Variants in ST3GAL2 observed in about 807,000 individuals in gnomAD.
The protein encoded by ST3GAL2 is ST3 beta-galactoside alpha-2,3-sialyltransferase 2, also known as CMP-N-acetylneuraminate-beta-galactosamide-alpha-2,3-sialyltransferase 2.
ST3GAL2 carries 16 observed loss-of-function variants against 37.5 expected under a neutral mutation model. The observed-to-expected ratio is 0.43, with a 90% CI of 0.29 to 0.65. The LOEUF is 0.65. ST3GAL2 is among the 30% of genes least tolerant of loss of function. The pLI, the probability that ST3GAL2 is intolerant of heterozygous loss-of-function variation, is 0.17. For synonymous variants in ST3GAL2, 238 were observed against 202.9 expected, an observed-to-expected ratio of 1.17 and a Z score of -1.47; for missense variants, 383 against 487.8, an observed-to-expected ratio of 0.79 and a Z score of 2.02.
chr16:70,430,897 A>T lies in ST3GAL2; in HGVS notation c.-1004+8052T>A, dbSNP rs1171296475. 2.6e-5 allele frequency among the ~76,000 whole-genome samples: 4 copies of T among 152,216 alleles called. No homozygotes were observed. The East Asian group carries it at 7.7e-4, about 29-fold the overall frequency. On this transcript the variant is annotated intron_variant, in intron 1 of 6. Coordinates refer to ENST00000342907, the MANE Select transcript of ST3GAL2 (RefSeq NM_006927.4). ...GCCTAGGGACTCCACACAGGCCCAC[A>T]GAAACTTTCACTTCCCCCTGAAACT...
intron 1 of ST3GAL2, among the ~76,000 whole-genome samples, chr16:70,437,503 C>T (rs1409670930): frequency 6.9e-6 from 1 of 143,938 alleles, no homozygotes; most frequent in Non-Finnish European, 1.5e-5. Flanking sequence ...CTCTGCCCCC[C>T]CCGCAAAAAA....
chr16:70,434,324 C>A (rs1184092353), intron 1 of ST3GAL2, among the ~76,000 whole-genome samples: 1 of 152,030 alleles, frequency 6.6e-6, no homozygotes, highest in East Asian at 1.9e-4. Context: ...GTAATCCCAG[C>A]TACTCGGGAG....
chr16:70,401,377 G>C (rs2047553865), intron 1 of ST3GAL2, among the ~76,000 whole-genome samples: 1 of 148,670 alleles, frequency 6.7e-6, no homozygotes, highest in East Asian at 1.9e-4. Flanking sequence ...GACATGTCTG[G>C]AAAGAGCAGA....
chr16:70,426,894 C>T (rs1232916953), intron 1 of ST3GAL2, among the ~76,000 whole-genome samples: 1 of 152,166 alleles, frequency 6.6e-6, no homozygotes, highest in Admixed American at 6.5e-5. Flanking sequence ...GTCGCTCAGG[C>T]TGGAGTGCAG....
chr16:70,438,338 G>A (rs1175598700), intron 1 of ST3GAL2, among the ~76,000 whole-genome samples: 5 of 152,174 alleles, frequency 3.3e-5, no homozygotes, highest in Admixed American at 3.3e-4. Flanking sequence ...AGAGAGGAGA[G>A]ACGAGGTTCA....
intron 3 of ST3GAL2, 65 bp from the exon 4 acceptor site, chr16:70,388,611 G>A (rs2047459490): frequency 1.3e-6 from 2 of 1,511,546 alleles, no homozygotes; most frequent in South Asian, 2.6e-5. Flanking sequence ...ATTCTTAGAG[G>A]ACAGTTCGAA....
intron 6 of ST3GAL2, 23 bp from the exon 7 acceptor site, chr16:70,381,885 G>T (rs1286382299): frequency 1.9e-6 from 3 of 1,611,510 alleles, no homozygotes; most frequent in Non-Finnish European, 2.5e-6. Flanking sequence ...GCAGCGGAGC[G>T]TCACCCCAGG....
chr16:70,382,889 G>A lies in ST3GAL2; in HGVS notation c.795C>T (p.Ile265=), dbSNP rs760956487. Residue 265 remains isoleucine, a synonymous_variant, in exon 6 of 7, where the codon ATC becomes ATT. Coordinates refer to ENST00000342907, the MANE Select transcript of ST3GAL2 (RefSeq NM_006927.4). ...QIYNPAFFKY[I]HDRWTEHHGR... is the part of the protein sequence containing the mutation. ...CGTGATGCTCTGTCCACCTGTCGTG[G>A]ATATACTTGAAGAAGGCTGGGTTGT... 1.9e-6 allele frequency: 3 copies of A among 1,613,920 alleles called. No individual in the cohort carries two copies. The highest frequency in any genetic ancestry group is 2.5e-6 in the Non-Finnish European group (3 of 1,179,956).
chr16:70,420,976 G>A (rs959260882), intron 1 of ST3GAL2, among the ~76,000 whole-genome samples: 3 of 152,188 alleles, frequency 2.0e-5, no homozygotes, highest in African/African-American at 7.2e-5. Flanking sequence ...GTTCCAGCTA[G>A]GAAGAGAGGT....
intron 1 of ST3GAL2, among the ~76,000 whole-genome samples, chr16:70,420,241 GC>G (rs781565045): frequency 9.2e-5 from 14 of 152,054 alleles, no homozygotes; most frequent in Non-Finnish European, 1.6e-4. Context: ...GTTGGAGAAA[GC>G]CTTTTGTATG....
At chr16:70,426,098 A>G (rs1309602736) in intron 1 of ST3GAL2, among the ~76,000 whole-genome samples, 1 of 151,290 alleles carries the variant, frequency 6.6e-6, no homozygotes, top group Non-Finnish European at 1.5e-5. Context: ...AAAAAAGAAC[A>G]TGACCGTCAA....
chr16:70,437,025 G>T (rs1043907244), intron 1 of ST3GAL2, among the ~76,000 whole-genome samples: 2 of 152,082 alleles, frequency 1.3e-5, no homozygotes, highest in Non-Finnish European at 2.9e-5. Flanking sequence ...GTGCCTTCTC[G>T]AGAAGAGTGG....
intron 1 of ST3GAL2, among the ~76,000 whole-genome samples, chr16:70,414,767 G>A (rs958469166): frequency 2.0e-5 from 3 of 152,148 alleles, no homozygotes; most frequent in Non-Finnish European, 4.4e-5. Context: ...CCGCCTCCTG[G>A]GTTCAAGTGA....
At chr16:70,411,334 G>A (rs1597569236) in intron 1 of ST3GAL2, among the ~76,000 whole-genome samples, 1 of 151,648 alleles carries the variant, frequency 6.6e-6, no homozygotes, top group African/African-American at 2.4e-5. Flanking sequence ...GAAGTGGGCG[G>A]AGCGGAGATC....
chr16:70,402,673 CG>C (rs2047564245), intron 1 of ST3GAL2, among the ~76,000 whole-genome samples: 1 of 151,984 alleles, frequency 6.6e-6, no homozygotes, highest in African/African-American at 2.4e-5. Context: ...TCTTTTGAGA[CG>C]GAGTCTTGCT....
chr16:70,389,304 T>C (rs1450874748), intron 3 of ST3GAL2, among the ~76,000 whole-genome samples: 2 of 151,122 alleles, frequency 1.3e-5, no homozygotes, highest in African/African-American at 2.4e-5. Flanking sequence ...TTATTTACTT[T>C]TAATTATTAT....
At chr16:70,414,352 G>C (rs1436328525) in intron 1 of ST3GAL2, among the ~76,000 whole-genome samples, 1 of 152,246 alleles carries the variant, frequency 6.6e-6, no homozygotes, top group Non-Finnish European at 1.5e-5. Context: ...CAGAGGGATA[G>C]GGCAGGGCGT....
At chr16:70,412,621 C>G (rs952521667) in intron 1 of ST3GAL2, among the ~76,000 whole-genome samples, 1 of 152,122 alleles carries the variant, frequency 6.6e-6, no homozygotes, top group African/African-American at 2.4e-5. Flanking sequence ...CCCAACCTGG[C>G]CTCAAAAAGC....
intron 4 of ST3GAL2, among the ~76,000 whole-genome samples, chr16:70,387,743 G>C (rs777944923): frequency 1.3e-5 from 2 of 151,980 alleles, no homozygotes; most frequent in Admixed American, 6.6e-5. Flanking sequence ...GGCTATGATG[G>C]GACAACTACC....
Sources: allele counts gnomAD v4.1 joint callset (sites outside exome capture counted in the v4.1 genomes callset), GRCh38; gene constraint gnomAD v4.1.1; transcripts MANE v1.5; gene names NCBI Gene and HGNC (gene_info 2026-07-23, HGNC 2026-07-21).